Variants in SORBS3 observed in about 807,000 individuals in gnomAD.
The protein encoded by SORBS3 is vinexin.
Under a neutral mutation model 98.0 loss-of-function variants are expected in SORBS3, and 69 were observed. The ratio of observed to expected loss-of-function variants is 0.70; its 90% CI spans 0.58 to 0.86. The LOEUF (loss-of-function observed/expected upper bound fraction) is 0.86. Ranked by LOEUF, SORBS3 falls within the 40% of genes least tolerant of loss-of-function variation. The pLI, the probability that SORBS3 is intolerant of heterozygous loss-of-function variation, is 0.00. For synonymous variants in SORBS3, 394 were observed against 355.4 expected (o/e 1.11, Z -1.22); for missense variants, 954 against 908.5 (o/e 1.05, Z -0.64).
chr8:22,564,114 T>G, intron 8 of SORBS3, 37 bp downstream of exon 8: 1 of 1,590,980 alleles, frequency 6.3e-7, no homozygotes, highest in East Asian at 2.2e-5. Context: ...CAGCCCCAGC[T>G]GTATGCCGTA....
intron 6 of SORBS3, 114 bp from the exon 7 acceptor site, chr8:22,561,751 C>G: frequency 1.1e-6 from 1 of 950,462 alleles, no homozygotes; most frequent in Non-Finnish European, 1.7e-6. Context: ...CACCATCCAC[C>G]CAGGAGCAAG....
chr8:22,546,557 C>T (rs2117180088), intron 1 of SORBS3, among the ~76,000 whole-genome samples: 1 of 152,352 alleles, frequency 6.6e-6, no homozygotes, highest in South Asian at 2.1e-4. Context: ...CCTTCTTACC[C>T]AAGTCCCAGC....
In SORBS3 at chr8:22,574,805, G is replaced by A. The variant is rs766280515; in HGVS notation, c.*77G>A. The A allele has an allele frequency of 1.0e-4, 137 of 1,361,390 alleles. No homozygotes were observed. Among genetic ancestry groups the A allele is most frequent in the Non-Finnish European group, 1.4e-4 (134 of 951,644 alleles). The allele number at this position is 1,361,390 out of a possible 1,614,324, so 84.3% of individuals were successfully genotyped here. A position where few individuals can be genotyped will look rare whatever the true frequency, so the allele number is the denominator to read the frequency against. Reference sequence around the variant, plus strand: ...CACTCGTGGGAGGGAGAGGACCCCCGCCCACATCCTCCTTCCCCAGGACCT... The same window carrying A: ...CACTCGTGGGAGGGAGAGGACCCCCACCCACATCCTCCTTCCCCAGGACCT... On this transcript the variant is annotated 3_prime_UTR_variant, in exon 21 of 21. Transcript: ENST00000240123.
chr8:22,550,319 C>G (rs773260932), upstream of SORBS3, among the ~76,000 whole-genome samples: 1 of 152,178 alleles, frequency 6.6e-6, no homozygotes, highest in African/African-American at 2.4e-5. Flanking sequence ...TTCAGCTCCC[C>G]GCTCAGTGCA....
intron 3 of SORBS3, among the ~76,000 whole-genome samples, chr8:22,555,260 A>G (rs1238393533): frequency 6.6e-6 from 1 of 152,188 alleles, no homozygotes; most frequent in Non-Finnish European, 1.5e-5. Context: ...TGGGCGCCGG[A>G]GGACCTCCCA....
chr8:22,558,054 G>A (rs1000861532), intron 4 of SORBS3, 75 bp from the exon 5 acceptor site: 2 of 1,475,690 alleles, frequency 1.4e-6, no homozygotes, highest in Admixed American at 3.3e-5. Flanking sequence ...GGACTCACTA[G>A]GGAAAGATTT....
chr8:22,561,085 G>A lies in SORBS3; in HGVS notation c.479-250G>A, dbSNP rs114173522. 2.1e-3 allele frequency: 953 copies of A among 447,440 alleles called. 11 individuals are homozygous for A. The highest frequency in any genetic ancestry group is 0.018 in the African/African-American group (868 of 49,446). 27.7% of individuals were successfully genotyped at this position (447,440 alleles called of 1,614,324 possible). A position where few individuals can be genotyped will look rare whatever the true frequency, so the allele number is the denominator to read the frequency against. On this transcript the variant is annotated intron_variant, in intron 5 of 20. Coordinates refer to ENST00000240123, the MANE Select transcript of SORBS3 (RefSeq NM_005775.5). ...GGGTGTGTGTGGGAACAGGGAGGGA[G>A]GAGCAGGAGGGCTTGGGCAAGGCGG... is the stretch of plus-strand genomic sequence containing the variant.
chr8:22,558,270 A>T, intron 5 of SORBS3, 78 bp downstream of exon 5: 1 of 1,384,426 alleles, frequency 7.2e-7, no homozygotes, highest in Non-Finnish European at 1.0e-6. Flanking sequence ...GGGAAAGAAA[A>T]GGGGACTTAG....
intron 4 of SORBS3, among the ~76,000 whole-genome samples, chr8:22,557,653 AT>A (rs201033482): frequency 7.4e-5 from 11 of 149,642 alleles, no homozygotes; most frequent in South Asian, 2.1e-4. Flanking sequence ...AAAAAAAAAA[AT>A]AAAATAAAAT....
chr8:22,547,594 G>A (rs770133472), upstream of SORBS3, among the ~76,000 whole-genome samples: 4 of 152,202 alleles, frequency 2.6e-5, no homozygotes, highest in Non-Finnish European at 5.9e-5. Flanking sequence ...GAAGGCTGAT[G>A]CAGACCTAAT....
At chr8:22,551,391 G>A (rs1338876403), upstream of SORBS3, among the ~76,000 whole-genome samples, 1 of 151,926 alleles carries the variant, frequency 6.6e-6, no homozygotes. This position sits in a 1 kb window ranked among gnomAD's most constrained non-coding sequence, Gnocchi z 5.8. Context: ...CGGCCTGTCC[G>A]TCTCTCCCGG....
At chr8:22,570,613 G>C (rs940229405) in intron 17 of SORBS3, among the ~76,000 whole-genome samples, 3 of 152,190 alleles carry the variant, frequency 2.0e-5, no homozygotes, top group Non-Finnish European at 2.9e-5. Flanking sequence ...TTAGCCACGG[G>C]CTCACCTGTG....
intron 16 of SORBS3, among the ~76,000 whole-genome samples, chr8:22,567,615 G>C (rs569548590): frequency 6.6e-6 from 1 of 152,300 alleles, no homozygotes; most frequent in East Asian, 1.9e-4. Context: ...TTACAGATGG[G>C]GATGCCAAGG....
Position 22,563,969 on chromosome 8 carries a change from G to A in SORBS3, c.585-18G>A, listed in dbSNP as rs1459710106. Reference sequence around the variant, plus strand: ...CTCCCTAAAAGGAAGCTGAAGAGATGTCCTTCCCTTTCTTTAGAAGAAGCT... The same window carrying A: ...CTCCCTAAAAGGAAGCTGAAGAGATATCCTTCCCTTTCTTTAGAAGAAGCT... On this transcript the variant is annotated intron_variant, in intron 7 of 20. Transcript: ENST00000240123. 1 of 1,594,942 alleles carries A rather than the reference G, an allele frequency of 6.3e-7. No individual in the cohort carries two copies. The highest frequency in any genetic ancestry group is 1.3e-5 in the African/African-American group (1 of 74,670).
chr8:22,562,103 C>T lies in SORBS3; in HGVS notation c.584+172C>T, dbSNP rs1037452454. Among the ~76,000 whole-genome samples the T allele has an allele frequency of 3.3e-5, 5 of 152,216 alleles. No individual in the cohort carries two copies. The South Asian group carries it at 1.0e-3, about 32-fold the overall frequency. ...GTCCCATCTCTGGGTCTCCACCACC[C>T]CCATAGACTCTCTTCCCTACAGGGT... On this transcript the variant is annotated intron_variant, in intron 7 of 20. Transcript: ENST00000240123.
rs73672759 is a variant in SORBS3 at position 22,573,981 on chromosome 8, A to G, written c.1955-686A>G. ...TCCAGAGGCAGGGGTGTGCAGGGAA[A>G]AGGGGCAGGGCTCTGAAGGTCGGCA... On this transcript the variant is annotated intron_variant, in intron 20 of 20. Transcript: ENST00000240123. 6.0e-3 allele frequency among the ~76,000 whole-genome samples: 913 copies of G among 152,230 alleles called. 13 individuals are homozygous for G. The highest frequency in any genetic ancestry group is 0.021 in the African/African-American group (866 of 41,548).
intron 8 of SORBS3, 80 bp downstream of exon 8, chr8:22,564,157 G>C: frequency 6.6e-7 from 1 of 1,523,026 alleles, no homozygotes; most frequent in South Asian, 1.1e-5. Flanking sequence ...TGTCCTTTCA[G>C]CTTGAATCCC....
At chr8:22,551,810 G>T (rs888528994), upstream of SORBS3, 4 of 985,496 alleles carry the variant, frequency 4.1e-6, no homozygotes, top group Admixed American at 1.2e-4. This position sits in a 1 kb window ranked among gnomAD's most constrained non-coding sequence, Gnocchi z 5.8. Context: ...CGACTCTCAC[G>T]GTCCGGCCTC....
chr8:22,556,378 C>T (rs1291383461), intron 3 of SORBS3, among the ~76,000 whole-genome samples: 1 of 152,146 alleles, frequency 6.6e-6, no homozygotes, highest in Non-Finnish European at 1.5e-5. Flanking sequence ...AAGTCTGTCC[C>T]CTCTAAGCCC....
Sources: gnomAD v4.1 joint callset for allele counts (sites outside exome capture counted in the v4.1 genomes callset) on GRCh38, gnomAD v4.1.1 for gene constraint, Gnocchi (gnomAD v3.1) non-coding constraint, MANE v1.5 for transcripts, NCBI Gene and HGNC (gene_info 2026-07-23, HGNC 2026-07-21) for gene names.